Variants in SHANK2 observed in about 807,000 individuals in gnomAD.
SHANK2 encodes SH3 and multiple ankyrin repeat domains protein 2.
In SHANK2, 43 loss-of-function variants were observed where a neutral mutation model predicts 133.7. The observed-to-expected ratio is 0.32, with a 90% CI of 0.25 to 0.41. The LOEUF is 0.41. Among genes scored for constraint, SHANK2 ranks in the 10% least tolerant of loss-of-function variants. SHANK2 has a pLI of 1.00. For synonymous variants in SHANK2, 1,017 were observed against 952.8 expected (o/e 1.07, Z -1.24); for missense variants, 1,994 against 2,235.8 (o/e 0.89, Z 2.18).
intron 11 of SHANK2, among the ~76,000 whole-genome samples, chr11:70,827,930 G>C (rs1383590851): frequency 6.6e-6 from 1 of 152,140 alleles, no homozygotes; most frequent in Admixed American, 6.5e-5. Context: ...TTTAGGGAGA[G>C]CAGAGACTGC....
At position 70,500,245 on chromosome 11, in the gene SHANK2, G is replaced by A. The variant is rs2059030166; in HGVS notation, c.2308+325C>T. Among the ~76,000 whole-genome samples the A allele has an allele frequency of 6.6e-6, 1 of 152,146 alleles. No homozygotes were observed. The highest frequency in any genetic ancestry group is 2.1e-4 in the South Asian group (1 of 4,836). ...GTCCTGAGGGTCAGGAATGCAGCCA[G>A]AGGCTCTGCTCATCTGCAACCCCCC... On this transcript the variant is annotated intron_variant, in intron 21 of 25. Coordinates refer to ENST00000601538, the MANE Select transcript of SHANK2 (RefSeq NM_012309.5). The surrounding 1 kb of genome is among the most constrained non-coding windows in gnomAD (Gnocchi z 4.5).
chr11:70,859,056 A>G (rs1431139495), intron 11 of SHANK2, among the ~76,000 whole-genome samples: 1 of 152,152 alleles, frequency 6.6e-6, no homozygotes, highest in Non-Finnish European at 1.5e-5. Context: ...ACTGCTCTGG[A>G]TGGGTGGGTA....
intron 21 of SHANK2, among the ~76,000 whole-genome samples, chr11:70,498,086 G>A (rs1306784805): frequency 3.3e-5 from 5 of 152,220 alleles, no homozygotes; most frequent in Admixed American, 1.3e-4. Context: ...CTGATTCATG[G>A]TCTGCTTCAC....
intron 17 of SHANK2, among the ~76,000 whole-genome samples, chr11:70,517,665 A>C (rs782650063): frequency 6.6e-6 from 1 of 152,206 alleles, no homozygotes; most frequent in Non-Finnish European, 1.5e-5. Flanking sequence ...AAGGCAAACT[A>C]TGGAGAAGGT....
intron 11 of SHANK2, among the ~76,000 whole-genome samples, chr11:70,857,562 T>C (rs1949191065): frequency 6.6e-6 from 1 of 152,164 alleles, no homozygotes; most frequent in African/African-American, 2.4e-5. Flanking sequence ...TTCTCAGGAC[T>C]TGGGAGGGCC....
chr11:71,170,215 G>T (rs1175090738), intron 2 of SHANK2, among the ~76,000 whole-genome samples: 2 of 151,734 alleles, frequency 1.3e-5, no homozygotes, highest in African/African-American at 2.4e-5. Flanking sequence ...TCCAAATTTT[G>T]TATACATTGA....
intron 17 of SHANK2, among the ~76,000 whole-genome samples, chr11:70,619,896 C>T (rs1554997142): frequency 6.6e-6 from 1 of 152,188 alleles, no homozygotes; most frequent in Non-Finnish European, 1.5e-5. Flanking sequence ...CTTGGAGGAG[C>T]ACGTTTGGGG....
chr11:70,568,646 G>GTCCCCCCCCCCC (rs2059999450), intron 17 of SHANK2, among the ~76,000 whole-genome samples: 1 of 79,966 alleles, frequency 1.3e-5, no homozygotes, highest in Non-Finnish European at 2.8e-5. Context: ...GCGGATTCCT[G>GTCCCCCCCCCCC]CCCCCCCCGC....
intron 6 of SHANK2, 56 bp downstream of exon 6, chr11:71,109,885 T>C: frequency 9.4e-7 from 1 of 1,066,796 alleles, no homozygotes; most frequent in Non-Finnish European, 1.4e-6. Context: ...AGCAGTGGGC[T>C]GGCCTTCTCT....
intron 5 of SHANK2, among the ~76,000 whole-genome samples, chr11:71,110,453 CAA>C (rs1391624051): frequency 6.6e-6 from 1 of 151,846 alleles, no homozygotes; most frequent in African/African-American, 2.4e-5. Context: ...AACAAACAAA[CAA>C]AAAATTAGCT....
At chr11:71,056,369 G>A (rs1203918801) in intron 10 of SHANK2, 112 bp downstream of exon 10, 3 of 152,240 alleles carry the variant, frequency 2.0e-5, no homozygotes, top group Admixed American at 1.3e-4. Flanking sequence ...GAAAACATCC[G>A]CAACAAAACG....
intron 17 of SHANK2, among the ~76,000 whole-genome samples, chr11:70,556,849 C>G (rs1235491350): frequency 6.6e-6 from 1 of 151,910 alleles, no homozygotes; most frequent in Non-Finnish European, 1.5e-5. Flanking sequence ...GCCTTGGCCT[C>G]CTAAAGTGAG....
intron 4 of SHANK2, among the ~76,000 whole-genome samples, chr11:71,115,174 C>T (rs1014744620): frequency 3.9e-5 from 6 of 152,162 alleles, no homozygotes; most frequent in Admixed American, 2.0e-4. Context: ...ACCTAAGTAT[C>T]GGCATCAATT....
At chr11:71,200,344 A>G (rs1388808604) in intron 2 of SHANK2, among the ~76,000 whole-genome samples, 1 of 152,152 alleles carries the variant, frequency 6.6e-6, no homozygotes, top group Non-Finnish European at 1.5e-5. Flanking sequence ...GGTACACCAC[A>G]CTGTTTATTT....
At chr11:70,494,586 A>G (rs752214970) in intron 21 of SHANK2, among the ~76,000 whole-genome samples, 5 of 152,040 alleles carry the variant, frequency 3.3e-5, no homozygotes, top group Admixed American at 6.6e-5. Flanking sequence ...GAGCCACCAC[A>G]CCCAGCCATA....
rs1006772437 is a variant in SHANK2 at position 71,179,914 on chromosome 11, T to C, written c.-12-32576A>G. ...TTACACACTGAAAACAACAAAACAC[T>C]GCTGCAAGAAACTACAGATGACTCG... On this transcript the variant is annotated intron_variant, in intron 2 of 25. Transcript: ENST00000601538. Among the ~76,000 whole-genome samples the C allele has an allele frequency of 1.4e-4, 21 of 152,176 alleles. 1 individual carries two copies. Among genetic ancestry groups the C allele is most frequent in the Non-Finnish European group, 2.9e-4 (20 of 68,038 alleles).
At chr11:70,730,770 T>G (rs945273356) in intron 14 of SHANK2, among the ~76,000 whole-genome samples, 12 of 151,886 alleles carry the variant, frequency 7.9e-5, no homozygotes, top group Non-Finnish European at 4.4e-5. Flanking sequence ...TCAGCAACTT[T>G]CCTTCCCAAA....
chr11:71,183,811 G>T (rs1953614134), intron 2 of SHANK2, among the ~76,000 whole-genome samples: 1 of 152,186 alleles, frequency 6.6e-6, no homozygotes, highest in African/African-American at 2.4e-5. Flanking sequence ...ACCCCACCCG[G>T]TCTCATGGTG....
At chr11:71,096,245 T>A (rs951216176) in intron 6 of SHANK2, among the ~76,000 whole-genome samples, 2 of 152,144 alleles carry the variant, frequency 1.3e-5, no homozygotes, top group African/African-American at 4.8e-5. Context: ...AAAATAGAAA[T>A]TTTCTGGGAC....
Sources: allele counts gnomAD v4.1 joint callset (sites outside exome capture counted in the v4.1 genomes callset), GRCh38; gene constraint gnomAD v4.1.1; non-coding constraint Gnocchi (gnomAD v3.1); transcripts MANE v1.5; gene names NCBI Gene and HGNC (gene_info 2026-07-23, HGNC 2026-07-21).